Variants in PSMB3 observed in about 807,000 individuals in gnomAD.
PSMB3 encodes proteasome 20S subunit beta 3.
A neutral mutation model predicts 23.3 loss-of-function variants in PSMB3; 5 were observed. That is an observed-to-expected ratio of 0.21 (90% confidence interval 0.11 to 0.45). The LOEUF (loss-of-function observed/expected upper bound fraction) is 0.45, where lower values mean the gene tolerates loss of function less well. Ranked by LOEUF, PSMB3 falls within the 20% of genes least tolerant of loss-of-function variation. The pLI, the probability that PSMB3 is intolerant of heterozygous loss-of-function variation, is 0.99. For synonymous variants in PSMB3, 85 were observed against 99.8 expected, an observed-to-expected ratio of 0.85 and a Z score of 0.88; for missense variants, 192 against 277.9, an observed-to-expected ratio of 0.69 and a Z score of 2.20.
At chr17:38,754,809 G>A (rs1908083921) in intron 2 of PSMB3, among the ~76,000 whole-genome samples, 1 of 152,168 alleles carries the variant, frequency 6.6e-6, no homozygotes. Flanking sequence ...TTGCTCTGGT[G>A]TCCTGAGACT....
At chr17:38,753,745 C>T (rs1908041772) in intron 2 of PSMB3, among the ~76,000 whole-genome samples, 1 of 152,218 alleles carries the variant, frequency 6.6e-6, no homozygotes. Context: ...TCCCAAAGTG[C>T]TGGGATTACA....
intron 3 of PSMB3, among the ~76,000 whole-genome samples, chr17:38,756,801 T>C (rs1908218005): frequency 6.6e-6 from 1 of 151,748 alleles, no homozygotes; most frequent in Non-Finnish European, 1.5e-5. Context: ...CCTGATCTCT[T>C]TTTTTTTCTT....
At chr17:38,755,670 A>ATGTGTG (rs1303372813) in intron 2 of PSMB3, among the ~76,000 whole-genome samples, 101 of 85,522 alleles carry the variant, frequency 1.2e-3, no homozygotes, top group Non-Finnish European at 1.2e-3. Flanking sequence ...ATATATATAT[A>ATGTGTG]TATATATATA....
intron 4 of PSMB3, among the ~76,000 whole-genome samples, chr17:38,761,480 A>G (rs1459990262): frequency 2.0e-5 from 3 of 152,154 alleles, no homozygotes; most frequent in African/African-American, 7.2e-5. Context: ...ATTAAGTGCC[A>G]GCTCTTCCGG....
chr17:38,762,415 C>G lies in PSMB3; in HGVS notation c.479C>G (p.Pro160Arg). Residue 160 changes from proline (P) to arginine (R), a missense_variant, in exon 5 of 6, where the codon CCG becomes CGG. Transcript: ENST00000619426. ...CESLWEPNMDPDHLFETISQA... is the reference protein window; with the variant it reads ...CESLWEPNMDRDHLFETISQA... ...GGGGTTCCACTCTGTTGGCAGGATC[C>G]GGATCACCTGTTTGAAACCATCTCC... 1 of 1,613,910 alleles carries G rather than the reference C, an allele frequency of 6.2e-7. No homozygotes were observed. The highest frequency in any genetic ancestry group is 8.5e-7 in the Non-Finnish European group (1 of 1,179,850).
At position 38,755,926 on chromosome 17, in the gene PSMB3, G is replaced by C; in HGVS notation, c.232G>C (p.Glu78Gln). Reference protein sequence around the residue: ...KFRLNLYELKEGRQIKPYTLM... With the variant: ...KFRLNLYELKQGRQIKPYTLM... ...CCGGCTGAACCTGTATGAGTTGAAG[G>C]AAGGTCGGCAGATCAAACCTTATAC... Residue 78 changes from glutamate (E) to glutamine (Q), a missense_variant, in exon 3 of 6, where the codon GAA becomes CAA. Coordinates refer to ENST00000619426, the MANE Select transcript of PSMB3 (RefSeq NM_002795.4). 6.2e-7 allele frequency: 1 copy of C among 1,614,110 alleles called. No homozygotes were observed. Among genetic ancestry groups the C allele is most frequent in the Non-Finnish European group, 8.5e-7 (1 of 1,180,028 alleles).
At chr17:38,756,024 C>A in intron 3 of PSMB3, 34 bp downstream of exon 3, 2 of 1,519,330 alleles carry the variant, frequency 1.3e-6, no homozygotes, top group Non-Finnish European at 1.8e-6. Flanking sequence ...TGAGGGAATG[C>A]AGACATCTTT....
chr17:38,752,880 A>G lies in PSMB3; in HGVS notation c.3+51A>G. The G allele has an allele frequency of 1.9e-6, 3 of 1,610,314 alleles. No homozygotes were observed. The highest frequency in any genetic ancestry group is 1.7e-6 in the Non-Finnish European group (2 of 1,177,732). Reference sequence around the variant, plus strand: ...GGCATGGGGAAGGATTGAGAAGCGGAGGGGGTCAGGAGAGGCTTGGGGACG... The same window carrying G: ...GGCATGGGGAAGGATTGAGAAGCGGGGGGGGTCAGGAGAGGCTTGGGGACG... On this transcript the variant is annotated intron_variant, in intron 1 of 5. Transcript: ENST00000619426. The surrounding 1 kb of genome is among the most constrained non-coding windows in gnomAD (Gnocchi z 5.5).
At position 38,762,471 on chromosome 17, in the gene PSMB3, G is replaced by A; in HGVS notation, c.535G>A (p.Ala179Thr). Residue 179 changes from alanine (A) to threonine (T), a missense_variant, in exon 5 of 6, where the codon GCA becomes ACA. By Grantham distance (58) the Ala-to-Thr change is moderately conservative (BLOSUM62 0). Transcript: ENST00000619426. The part of the protein sequence containing the change: ...QAMLNAVDRD[A>T]VSGMGVIVHI... ...CATGCTGAATGCTGTGGACCGGGAT[G>A]CAGTGTCAGGCATGGGAGTCATTGT... is the stretch of plus-strand genomic sequence containing the variant. The A allele has an allele frequency of 6.2e-7, 1 of 1,614,210 alleles. No individual in the cohort carries two copies. The highest frequency in any genetic ancestry group is 8.5e-7 in the Non-Finnish European group (1 of 1,180,014).
Position 38,752,964 on chromosome 17 carries a change from T to C in PSMB3, c.3+135T>C. 1 of 1,395,382 alleles carries C rather than the reference T, an allele frequency of 7.2e-7. No individual in the cohort carries two copies. The highest frequency in any genetic ancestry group is 9.9e-7 in the Non-Finnish European group (1 of 1,012,818). The allele number at this position is 1,395,382 out of a possible 1,614,324, so 86.4% of individuals were successfully genotyped here. A position where few individuals can be genotyped will look rare whatever the true frequency, so the allele number is the denominator to read the frequency against. On this transcript the variant is annotated intron_variant, in intron 1 of 5. Transcript: ENST00000619426. The surrounding 1 kb of genome is among the most constrained non-coding windows in gnomAD (Gnocchi z 5.5). Reference sequence around the variant, plus strand: ...TCAGTTCGAGGGGAGCGGGCCCCGGTGAGGACCAAGAGGGTGAGTGCGGCT... The same window carrying C: ...TCAGTTCGAGGGGAGCGGGCCCCGGCGAGGACCAAGAGGGTGAGTGCGGCT...
At chr17:38,762,643 G>A in intron 5 of PSMB3, 138 bp downstream of exon 5, 1 of 736,826 alleles carries the variant, frequency 1.4e-6, no homozygotes, top group Non-Finnish European at 2.2e-6. Flanking sequence ...TCCTGGGTGA[G>A]CAAAAGTCCA....
At position 38,752,880 on chromosome 17, in the gene PSMB3, AG is replaced by A. The variant is rs759446351; in HGVS notation, c.3+56del. 8 of 1,610,314 alleles carry A rather than the reference AG, an allele frequency of 5.0e-6. No homozygotes were observed. The highest frequency in any genetic ancestry group is 1.7e-4 in the Middle Eastern group (1 of 6,036). ...GGCATGGGGAAGGATTGAGAAGCGG[AG>A]GGGGTCAGGAGAGGCTTGGGGACGA... On this transcript the variant is annotated intron_variant, in intron 1 of 5. Transcript: ENST00000619426. This position sits in a 1 kb window ranked among gnomAD's most constrained non-coding sequence, Gnocchi z 5.5.
At chr17:38,753,012 T>C in intron 1 of PSMB3, 138 bp from the exon 2 acceptor site, 1 of 1,250,810 alleles carries the variant, frequency 8.0e-7, no homozygotes, top group Non-Finnish European at 1.1e-6. Context: ...ACAGTGCTCA[T>C]CCCAGCTGGA....
chr17:38,763,388 A>T (rs997235530), intron 5 of PSMB3, among the ~76,000 whole-genome samples: 8 of 151,866 alleles, frequency 5.3e-5, no homozygotes, highest in Middle Eastern at 3.4e-3. Context: ...AAACCCAAAA[A>T]ACAGAATTTA....
chr17:38,752,794 C>CT lies in PSMB3; in HGVS notation c.-32dup, dbSNP rs1907988969. The CT allele has an allele frequency of 6.2e-7, 1 of 1,613,968 alleles. No individual in the cohort carries two copies. The highest frequency in any genetic ancestry group is 1.1e-5 in the South Asian group (1 of 91,078). On this transcript the variant is annotated 5_prime_UTR_variant, in exon 1 of 6. Transcript: ENST00000619426. The surrounding 1 kb of genome is among the most constrained non-coding windows in gnomAD (Gnocchi z 5.5). The stretch of plus-strand genomic sequence containing the variant: ...CTAGACCCGGTTTACTGGAATTGCT[C>CT]TGGCGATCGAGGGATCCTAGTACAC...
At chr17:38,753,103 G>A (rs757789201) in intron 1 of PSMB3, 47 bp from the exon 2 acceptor site, 5 of 1,543,830 alleles carry the variant, frequency 3.2e-6, no homozygotes, top group East Asian at 2.3e-5. Context: ...GGGGGCTGTG[G>A]CAGCGTTTGA....
At chr17:38,759,218 T>G (rs1309516193) in intron 3 of PSMB3, among the ~76,000 whole-genome samples, 2 of 152,234 alleles carry the variant, frequency 1.3e-5, no homozygotes, top group Non-Finnish European at 2.9e-5. Context: ...AATGGGTATT[T>G]TGTAGACATA....
At chr17:38,761,803 G>A (rs1243896424) in intron 4 of PSMB3, among the ~76,000 whole-genome samples, 10 of 152,336 alleles carry the variant, frequency 6.6e-5, no homozygotes, top group Non-Finnish European at 7.4e-5. Context: ...GCCTTTAGGT[G>A]GACGTGACAG....
In PSMB3 at chr17:38,764,168, C is replaced by A; in HGVS notation, c.*1C>A. Reference sequence around the variant, plus strand: ...GACACTGAAGGCCCGAATGGACTAACCCTGTTCCCAGAGCCCACTTTTTTT... The same window carrying A: ...GACACTGAAGGCCCGAATGGACTAAACCTGTTCCCAGAGCCCACTTTTTTT... On this transcript the variant is annotated 3_prime_UTR_variant, in exon 6 of 6. Transcript: ENST00000619426. The A allele has an allele frequency of 6.2e-7, 1 of 1,614,124 alleles. No individual in the cohort carries two copies. Among genetic ancestry groups the A allele is most frequent in the Non-Finnish European group, 8.5e-7 (1 of 1,179,964 alleles).
Sources: gnomAD v4.1 joint callset for allele counts (sites outside exome capture counted in the v4.1 genomes callset) on GRCh38, gnomAD v4.1.1 for gene constraint, Gnocchi (gnomAD v3.1) non-coding constraint, MANE v1.5 for transcripts, NCBI Gene and HGNC (gene_info 2026-07-23, HGNC 2026-07-21) for gene names.